The following ZNF430 variants were observed in gnomAD, a reference collection of about 807,000 sequenced individuals.
ZNF430 encodes the protein zinc finger protein 430.
ZNF430 carries 35 observed loss-of-function variants against 56.7 expected under a neutral mutation model. The observed-to-expected ratio is 0.62, with a 90% confidence interval of 0.47 to 0.82. ZNF430 has a LOEUF of 0.82. ZNF430 is among the 40% of genes least tolerant of loss of function. The pLI is 0.00. For synonymous variants in ZNF430, 212 were observed against 224.3 expected (o/e 0.94, Z 0.49); for missense variants, 574 against 661.0 (o/e 0.87, Z 1.44).
chr19:21,041,010 C>A (rs1374410161), intron 4 of ZNF430, among the ~76,000 whole-genome samples: 1 of 152,156 alleles, frequency 6.6e-6, no homozygotes. Flanking sequence ...AATATAGATT[C>A]TTTTCATTCT....
At position 21,034,392 on chromosome 19, in the gene ZNF430, C is replaced by T. The variant is rs1967957231; in HGVS notation, c.322+208C>T. 1.2e-5 allele frequency: 5 copies of T among 431,036 alleles called. No homozygotes were observed. The South Asian group carries it at 2.8e-4, about 24-fold the overall frequency. 26.7% of individuals were successfully genotyped at this position (431,036 alleles called of 1,614,324 possible). On this transcript the variant is annotated intron_variant, in intron 4 of 4. Transcript: ENST00000261560. ...GGATTCTTTCCCCTTGGTGATCTCC[C>T]TTCAAGTTTGCTATCAGAACCAAAG...
chr19:21,037,303 A>G (rs1271826736), intron 4 of ZNF430, among the ~76,000 whole-genome samples: 1 of 151,822 alleles, frequency 6.6e-6, no homozygotes, highest in Non-Finnish European at 1.5e-5. Flanking sequence ...TTTTTAGTAG[A>G]GAGAGGGTTT....
intron 4 of ZNF430, among the ~76,000 whole-genome samples, chr19:21,040,097 CA>C (rs1375222812): frequency 6.6e-6 from 1 of 152,132 alleles, no homozygotes; most frequent in Non-Finnish European, 1.5e-5. Flanking sequence ...CTTCATCTTC[CA>C]AATTGTTGGG....
chr19:21,045,545 T>C (rs775328352), intron 4 of ZNF430, among the ~76,000 whole-genome samples: 3 of 152,200 alleles, frequency 2.0e-5, no homozygotes, highest in South Asian at 2.1e-4. Context: ...GTGTATTGTG[T>C]TGTTTTTGGC....
At chr19:21,042,649 G>T (rs913638406) in intron 4 of ZNF430, among the ~76,000 whole-genome samples, 1 of 152,202 alleles carries the variant, frequency 6.6e-6, no homozygotes, top group Non-Finnish European at 1.5e-5. Flanking sequence ...TTAGCTGGGC[G>T]TGGTGGCGGA....
At chr19:21,030,198 A>G (rs1307909044) in intron 2 of ZNF430, among the ~76,000 whole-genome samples, 3 of 152,230 alleles carry the variant, frequency 2.0e-5, no homozygotes, top group Non-Finnish European at 2.9e-5. Flanking sequence ...AAGTAAATGT[A>G]TACACAATAA....
chr19:21,031,070 G>C (rs973363501), intron 2 of ZNF430, among the ~76,000 whole-genome samples: 10 of 152,064 alleles, frequency 6.6e-5, no homozygotes, highest in Admixed American at 4.6e-4. Context: ...TTTTAGTAGA[G>C]ATGAGGTTAC....
intron 4 of ZNF430, chr19:21,036,872 A>C (rs916023583): frequency 6.6e-6 from 1 of 151,978 alleles, no homozygotes; most frequent in Non-Finnish European, 1.5e-5. Flanking sequence ...ATTGTTATGC[A>C]AAAGACTTAG....
chr19:21,051,887 T>G (rs1968290497), intron 4 of ZNF430, among the ~76,000 whole-genome samples: 1 of 152,232 alleles, frequency 6.6e-6, no homozygotes, highest in African/African-American at 2.4e-5. Context: ...GACTTCAACA[T>G]TGTTCCTTTT....
chr19:21,058,224 T>G lies in ZNF430; in HGVS notation c.*203T>G, dbSNP rs1287913304. 3.6e-6 allele frequency: 2 copies of G among 562,968 alleles called. No individual in the cohort carries two copies. The highest frequency in any genetic ancestry group is 5.9e-5 in the East Asian group (2 of 33,800). The allele number at this position is 562,968 out of a possible 1,614,324, so 34.9% of individuals were successfully genotyped here. A position where few individuals can be genotyped will look rare whatever the true frequency, so the allele number is the denominator to read the frequency against. On this transcript the variant is annotated 3_prime_UTR_variant, in exon 5 of 5. Coordinates refer to ENST00000261560, the MANE Select transcript of ZNF430 (RefSeq NM_025189.4). Reference sequence around the variant, plus strand: ...CTTTGGGAGGCTGAGACGGGTGAATTACATGAGGTTGGGAGTTCGAGACCA... The same window carrying G: ...CTTTGGGAGGCTGAGACGGGTGAATGACATGAGGTTGGGAGTTCGAGACCA...
At position 21,046,075 on chromosome 19, in the gene ZNF430, A is replaced by T. The variant is rs577532205; in HGVS notation, c.323-10556A>T. Among the ~76,000 whole-genome samples the T allele has an allele frequency of 2.6e-5, 4 of 152,248 alleles. No homozygotes were observed. The South Asian group carries it at 8.3e-4, about 32-fold the overall frequency. On this transcript the variant is annotated intron_variant, in intron 4 of 4. Transcript: ENST00000261560. ...GGTGGCTTATGCCTGTAATCCCAGCACTTTGGGAGGCTGAGGCAGGTGAAT... is the reference window on the plus strand; with the variant it reads ...GGTGGCTTATGCCTGTAATCCCAGCTCTTTGGGAGGCTGAGGCAGGTGAAT...
Position 21,020,666 on chromosome 19 carries a change from T to A in ZNF430, c.-135T>A. On this transcript the variant is annotated 5_prime_UTR_variant, in exon 1 of 5. Coordinates refer to ENST00000261560, the MANE Select transcript of ZNF430 (RefSeq NM_025189.4). ...GTTTGGCGGGGCCTTTGTCCCTCGC[T>A]GTGGCCTGAGCTCCAGGTCTCGTCT... is the stretch of plus-strand genomic sequence containing the variant. 7.5e-7 allele frequency: 1 copy of A among 1,340,350 alleles called. No individual in the cohort carries two copies. The highest frequency in any genetic ancestry group is 2.3e-5 in the East Asian group (1 of 42,830). The allele number at this position is 1,340,350 out of a possible 1,614,324, so 83.0% of individuals were successfully genotyped here. A position where few individuals can be genotyped will look rare whatever the true frequency, so the allele number is the denominator to read the frequency against.
Position 21,056,841 on chromosome 19 carries a change from A to G in ZNF430, c.533A>G (p.Gln178Arg). The change falls in exon 5 of 5, where the codon CAA becomes CGA. Residue 178 changes from glutamine (Q) to arginine (R), a missense_variant. By Grantham distance (43) the Gln-to-Arg change is conservative. Around this residue, in one of 3 missense-constraint regions of ZNF430, gnomAD observed 346 missense variants for 399.1 expected, o/e 0.87. Coordinates refer to ENST00000261560, the MANE Select transcript of ZNF430 (RefSeq NM_025189.4). ...ACAACTACCCAGAGTGAAATATTTC[A>G]ATATGATAAATATGTGAATGTCTTT... ...CLTTTQSEIF[Q>R]YDKYVNVFYK... 1 of 1,612,052 alleles carries G rather than the reference A, an allele frequency of 6.2e-7. No individual in the cohort carries two copies. Among genetic ancestry groups the G allele is most frequent in the Non-Finnish European group, 8.5e-7 (1 of 1,179,060 alleles).
intron 2 of ZNF430, among the ~76,000 whole-genome samples, chr19:21,027,108 G>A (rs2358793): frequency 0.17 from 25,276 of 151,904 alleles, 3,352 homozygotes; most frequent in African/African-American, 0.37. Context: ...GATTACAGGC[G>A]TGAGCCCCCA....
intron 4 of ZNF430, among the ~76,000 whole-genome samples, chr19:21,047,346 C>T (rs1968200098): frequency 6.6e-6 from 1 of 152,186 alleles, no homozygotes; most frequent in Non-Finnish European, 1.5e-5. Context: ...AATTTATCCA[C>T]CTTAGCCACC....
chr19:21,051,722 C>G (rs1458197281), intron 4 of ZNF430, among the ~76,000 whole-genome samples: 2 of 152,150 alleles, frequency 1.3e-5, no homozygotes, highest in Non-Finnish European at 2.9e-5. Context: ...ATCTCTTGAC[C>G]TCATGATCCG....
intron 4 of ZNF430, among the ~76,000 whole-genome samples, chr19:21,049,765 A>C (rs1968252938): frequency 6.6e-6 from 1 of 152,158 alleles, no homozygotes; most frequent in South Asian, 2.1e-4. Context: ...ACACCCTGAA[A>C]TTTAATTTAG....
chr19:21,038,839 CTG>C (rs1426503081), intron 4 of ZNF430, among the ~76,000 whole-genome samples: 2 of 152,156 alleles, frequency 1.3e-5, no homozygotes, highest in Non-Finnish European at 2.9e-5. Context: ...TGTAATAAAA[CTG>C]TGCTATTGTC....
At chr19:21,048,891 ATATCT>A (rs1303979994) in intron 4 of ZNF430, among the ~76,000 whole-genome samples, 2 of 151,956 alleles carry the variant, frequency 1.3e-5, no homozygotes, top group Admixed American at 6.6e-5. Context: ...GGGGCATAAA[ATATCT>A]TAAAGTTAAA....
Sources: gnomAD v4.1 joint callset for allele counts (sites outside exome capture counted in the v4.1 genomes callset) on GRCh38, gnomAD v4.1.1 for gene constraint, gnomAD v4.1.1 regional missense constraint, MANE v1.5 for transcripts, NCBI Gene and HGNC (gene_info 2026-07-23, HGNC 2026-07-21) for gene names.